Variants in ZNF583 observed in about 807,000 individuals in gnomAD.
ZNF583 encodes the protein zinc finger protein L3-5.
Under a neutral mutation model 55.3 loss-of-function variants are expected in ZNF583, and 30 were observed. That is an observed-to-expected ratio of 0.54 (90% CI 0.41 to 0.74). The LOEUF is 0.74. ZNF583 is among the 30% of genes least tolerant of loss of function. The pLI is 0.00. For missense variants in ZNF583, 504 were observed against 664.7 expected, an observed-to-expected ratio of 0.76 and a Z score of 2.66; for synonymous variants, 208 against 220.0, an observed-to-expected ratio of 0.95 and a Z score of 0.48.
intron 1 of ZNF583, among the ~76,000 whole-genome samples, chr19:56,405,995 T>C (rs2042141216): frequency 6.6e-6 from 1 of 152,210 alleles, no homozygotes; most frequent in Non-Finnish European, 1.5e-5. Flanking sequence ...GCTTTATTCT[T>C]CAAGGCAGTG....
intron 2 of ZNF583, 40 bp from the exon 3 acceptor site, chr19:56,413,919 T>G: frequency 6.2e-7 from 1 of 1,612,916 alleles, no homozygotes; most frequent in Non-Finnish European, 8.5e-7. Context: ...TGTGAGGATA[T>G]GAACACTAGT....
At chr19:56,421,806 T>C (rs2042420180) in intron 4 of ZNF583, among the ~76,000 whole-genome samples, 1 of 152,078 alleles carries the variant, frequency 6.6e-6, no homozygotes, top group East Asian at 1.9e-4. Flanking sequence ...CTAATAAGAA[T>C]AGAGAGTAAG....
At position 56,424,385 on chromosome 19, in the gene ZNF583, C is replaced by T; in HGVS notation, c.*17C>T. ...ATCTCCTGAATATTTCTGGAATCCA[C>T]CTCTTGAATCCATTTCCATCCCATC... On this transcript the variant is annotated 3_prime_UTR_variant, in exon 5 of 5. Coordinates refer to ENST00000333201, the MANE Select transcript of ZNF583 (RefSeq NM_152478.3). 1.9e-6 allele frequency: 2 copies of T among 1,039,490 alleles called. No individual in the cohort carries two copies. Among genetic ancestry groups the T allele is most frequent in the Non-Finnish European group, 1.5e-6 (1 of 680,160 alleles). The allele number at this position is 1,039,490 out of a possible 1,614,324, so 64.4% of individuals were successfully genotyped here. A position where few individuals can be genotyped will look rare whatever the true frequency, so the allele number is the denominator to read the frequency against.
intron 4 of ZNF583, among the ~76,000 whole-genome samples, chr19:56,416,410 T>A (rs1246079252): frequency 6.6e-6 from 1 of 152,040 alleles, no homozygotes; most frequent in Non-Finnish European, 1.5e-5. Context: ...TATGGATTTA[T>A]GTATTCATAT....
chr19:56,404,748 A>T lies in ZNF583; in HGVS notation c.-90+296A>T, dbSNP rs2042118207. On this transcript the variant is annotated intron_variant, in intron 1 of 4. Transcript: ENST00000333201. The surrounding 1 kb of genome is among the most constrained non-coding windows in gnomAD (Gnocchi z 5.2). ...TGGGTGTGAGAATGTGTGCGACAGT[A>T]TGAGACCGTTGCCCCGGTGTATGCG... 6.6e-6 allele frequency among the ~76,000 whole-genome samples: 1 copy of T among 152,128 alleles called. No individual in the cohort carries two copies. The highest frequency in any genetic ancestry group is 1.5e-5 in the Non-Finnish European group (1 of 68,018).
At position 56,424,476 on chromosome 19, in the gene ZNF583, C is replaced by G. The variant is rs950592736; in HGVS notation, c.*108C>G. 3.3e-6 allele frequency: 2 copies of G among 601,562 alleles called. No individual in the cohort carries two copies. Among genetic ancestry groups the G allele is most frequent in the African/African-American group, 3.7e-5 (2 of 53,900 alleles). The allele number at this position is 601,562 out of a possible 1,614,324, so 37.3% of individuals were successfully genotyped here. On this transcript the variant is annotated 3_prime_UTR_variant, in exon 5 of 5. Coordinates refer to ENST00000333201, the MANE Select transcript of ZNF583 (RefSeq NM_152478.3). ...CTCGAGTAGCTTTCTAATTGGTCTC[C>G]TTGTACTCACCATTGTCTCTGTCAG... is the stretch of plus-strand genomic sequence containing the variant.
intron 4 of ZNF583, among the ~76,000 whole-genome samples, chr19:56,417,844 A>AT (rs901401417): frequency 2.6e-5 from 4 of 151,106 alleles, no homozygotes; most frequent in African/African-American, 7.3e-5. Context: ...GTTGAGGTTC[A>AT]TTTTTTTTTC....
chr19:56,416,565 G>C (rs2042327451), intron 4 of ZNF583, among the ~76,000 whole-genome samples: 1 of 150,156 alleles, frequency 6.7e-6, no homozygotes, highest in South Asian at 2.1e-4. Flanking sequence ...CTTTTATTTA[G>C]TAATGAGATT....
At chr19:56,421,294 G>GGTATTCATCAATGACTATACCTA in intron 4 of ZNF583, 1 of 161,292 alleles carries the variant, frequency 6.2e-6, no homozygotes, top group South Asian at 2.0e-4. Context: ...ATGAGAATTA[G>GGTATTCATCAATGACTATACCTA]TGTTTTTACT....
chr19:56,421,373 T>G, intron 4 of ZNF583: 1 of 667,926 alleles, frequency 1.5e-6, no homozygotes, highest in Non-Finnish European at 1.9e-6. Flanking sequence ...AGTCATTTCA[T>G]ATTTCTTTTT....
intron 4 of ZNF583, chr19:56,421,594 A>G: frequency 2.6e-6 from 2 of 763,046 alleles, no homozygotes; most frequent in Non-Finnish European, 3.2e-6. Flanking sequence ...TTTAGTGGTA[A>G]TATTCCATTT....
chr19:56,420,188 T>C (rs2042391984), intron 4 of ZNF583, among the ~76,000 whole-genome samples: 1 of 152,188 alleles, frequency 6.6e-6, no homozygotes. Flanking sequence ...TGACCCATGA[T>C]TTATATAGAA....
chr19:56,414,307 T>C lies in ZNF583; in HGVS notation c.137-38T>C, dbSNP rs748799548. 6 of 1,601,372 alleles carry C rather than the reference T, an allele frequency of 3.7e-6. No individual in the cohort carries two copies. The South Asian group carries it at 4.4e-5, about 12-fold the overall frequency. On this transcript the variant is annotated intron_variant, in intron 3 of 4. Coordinates refer to ENST00000333201, the MANE Select transcript of ZNF583 (RefSeq NM_152478.3). ...TGATGCAGAAACTTGATCTTATTTA[T>C]AGACCTGCCTAATTCCCCTTTTGTT... is the stretch of plus-strand genomic sequence containing the variant.
intron 4 of ZNF583, among the ~76,000 whole-genome samples, chr19:56,418,011 C>CT (rs2042355090): frequency 6.6e-6 from 1 of 152,108 alleles, no homozygotes; most frequent in South Asian, 2.1e-4. Flanking sequence ...ATCTATATGT[C>CT]TATTGTCTCA....
At chr19:56,416,025 C>CT (rs960815735) in intron 4 of ZNF583, among the ~76,000 whole-genome samples, 4 of 151,552 alleles carry the variant, frequency 2.6e-5, no homozygotes, top group African/African-American at 7.3e-5. Context: ...TGTAACTATT[C>CT]TTTTTTTAAA....
chr19:56,423,924 C>T lies in ZNF583; in HGVS notation c.1266C>T (p.Tyr422=). The T allele has an allele frequency of 1.9e-6, 3 of 1,613,686 alleles. No individual in the cohort carries two copies. Among genetic ancestry groups the T allele is most frequent in the Non-Finnish European group, 2.5e-6 (3 of 1,179,894 alleles). ...VCRKAFSQIA[Y]LDQHQRVHTG... is the part of the protein sequence containing the mutation. ...GGAAAGCCTTCAGCCAAATTGCATA[C>T]CTTGATCAACATCAGAGGGTTCATA... The change falls in exon 5 of 5, where the codon TAC becomes TAT. Residue 422 remains tyrosine (Y), a synonymous_variant. Coordinates refer to ENST00000333201, the MANE Select transcript of ZNF583 (RefSeq NM_152478.3).
At position 56,426,961 on chromosome 19, in the gene ZNF583, T is replaced by G. The variant is rs1004315918; in HGVS notation, c.*2593T>G. The G allele has an allele frequency of 3.4e-5, 5 of 147,772 alleles. No individual in the cohort carries two copies. The highest frequency in any genetic ancestry group is 1.2e-4 in the African/African-American group (5 of 40,394). The allele number at this position is 147,772 out of a possible 1,614,324, so 9.2% of individuals were successfully genotyped here. A position where few individuals can be genotyped will look rare whatever the true frequency, so the allele number is the denominator to read the frequency against. Reference sequence around the variant, plus strand: ...CTTAAAAAAAAAAAAAAGGTGAGGCTTTTGAGTGGATGAAATAATTTTGTA... The same window carrying G: ...CTTAAAAAAAAAAAAAAGGTGAGGCGTTTGAGTGGATGAAATAATTTTGTA... On this transcript the variant is annotated 3_prime_UTR_variant, in exon 5 of 5. Coordinates refer to ENST00000333201, the MANE Select transcript of ZNF583 (RefSeq NM_152478.3).
intron 2 of ZNF583, among the ~76,000 whole-genome samples, chr19:56,411,841 C>G (rs2042243605): frequency 6.6e-6 from 1 of 152,196 alleles, no homozygotes; most frequent in African/African-American, 2.4e-5. Context: ...TAGATAACCT[C>G]CTTAACATTT....
rs758551234 is a variant in ZNF583 at position 56,414,404 on chromosome 19, A to G, written c.196A>G (p.Met66Val). ...ATTGGAGCAAGGAAAAGAGCCCTGGATGGTGAAGAAGGAGGGAACAAGAGG... is the reference window on the plus strand; with the variant it reads ...ATTGGAGCAAGGAAAAGAGCCCTGGGTGGTGAAGAAGGAGGGAACAAGAGG... ...SLLEQGKEPW[M>V]VKKEGTRGPC... The change falls in exon 4 of 5, where the codon ATG becomes GTG. Residue 66 changes from methionine to valine, a missense_variant. Physicochemically the swap from Met to Val is conservative, Grantham distance 21. This residue lies in a region of ZNF583 where 204 missense variants were observed against 235.2 expected (regional missense o/e 0.87). Coordinates refer to ENST00000333201, the MANE Select transcript of ZNF583 (RefSeq NM_152478.3). 51 of 1,614,010 alleles carry G rather than the reference A, an allele frequency of 3.2e-5. No homozygotes were observed. The highest frequency in any genetic ancestry group is 5.0e-5 in the Admixed American group (3 of 59,990).
Sources: gnomAD v4.1 joint callset for allele counts (sites outside exome capture counted in the v4.1 genomes callset) on GRCh38, gnomAD v4.1.1 for gene constraint, gnomAD v4.1.1 regional missense constraint, Gnocchi (gnomAD v3.1) non-coding constraint, MANE v1.5 for transcripts, NCBI Gene and HGNC (gene_info 2026-07-23, HGNC 2026-07-21) for gene names.